The following FANCB variants were observed in gnomAD, a reference collection of about 807,000 sequenced individuals.
The protein encoded by FANCB is FA complementation group B, also known as Fanconi anemia group B protein.
A neutral mutation model predicts 38.9 loss-of-function variants in FANCB; 5 were observed. The observed-to-expected ratio is 0.13, with a 90% confidence interval of 0.07 to 0.27. The LOEUF is 0.27. FANCB is among the 10% of genes least tolerant of loss of function. The probability of loss-of-function intolerance (pLI) is 1.00; values close to 1 mark genes in which losing one functional copy is unlikely to be tolerated. For synonymous variants in FANCB, 236 were observed against 215.4 expected (o/e 1.10, Z -0.84); for missense variants, 573 against 602.7 (o/e 0.95, Z 0.52).
chrX:14,810,957 C>A, the FANCB span, among the ~76,000 whole-genome samples: 8 of 112,194 alleles, frequency 7.1e-5, no homozygotes, highest in Non-Finnish European at 3.8e-5. Flanking sequence ...ATCAGACTAA[C>A]AGCGGATCTC....
the FANCB span, among the ~76,000 whole-genome samples, chrX:14,724,565 G>T: frequency 4.0e-5 from 4 of 99,729 alleles, no homozygotes; most frequent in African/African-American, 1.5e-4. Flanking sequence ...GGCAGAGGTT[G>T]CAGTGAGATG....
chrX:14,744,196 G>A, the FANCB span, among the ~76,000 whole-genome samples: 1 of 110,896 alleles, frequency 9.0e-6, no homozygotes, highest in Non-Finnish European at 1.9e-5. Context: ...AAATTCCCTG[G>A]GAAAAAAACA....
At chrX:14,823,507 C>A in the FANCB span, among the ~76,000 whole-genome samples, 3 of 111,923 alleles carry the variant, frequency 2.7e-5, no homozygotes, top group Non-Finnish European at 5.6e-5. Flanking sequence ...AATGTTCAGT[C>A]CCTTTTCATT....
the FANCB span, among the ~76,000 whole-genome samples, chrX:14,793,038 T>C: frequency 8.9e-6 from 1 of 112,448 alleles, no homozygotes; most frequent in African/African-American, 3.2e-5. Context: ...TAGTGGGTTA[T>C]GACTTAATCA....
At chrX:14,769,676 G>T in the FANCB span, among the ~76,000 whole-genome samples, 1 of 111,350 alleles carries the variant, frequency 9.0e-6, no homozygotes, top group Non-Finnish European at 1.9e-5. Flanking sequence ...TCTAATCTTG[G>T]TTATTCCTTG....
chrX:14,794,907 A>G, the FANCB span, among the ~76,000 whole-genome samples: 1 of 112,705 alleles, frequency 8.9e-6, no homozygotes, highest in Non-Finnish European at 1.9e-5. Flanking sequence ...CCACTCTGCT[A>G]TAGTGATGCT....
At chrX:14,769,326 G>A in the FANCB span, among the ~76,000 whole-genome samples, 99 of 111,213 alleles carry the variant, frequency 8.9e-4, 3 homozygotes, top group East Asian at 0.021. Context: ...ATTTATCACC[G>A]CCTCAATTTC....
the FANCB span, among the ~76,000 whole-genome samples, chrX:14,740,765 A>C: frequency 9.0e-6 from 1 of 111,568 alleles, no homozygotes; most frequent in Non-Finnish European, 1.9e-5. Context: ...GGGCTTATTC[A>C]CTCATTTAAT....
the FANCB span, among the ~76,000 whole-genome samples, chrX:14,791,503 G>A: frequency 2.7e-5 from 3 of 111,882 alleles, no homozygotes; most frequent in Non-Finnish European, 5.6e-5. Flanking sequence ...AAGTCACTCC[G>A]TTTGTGGTAC....
At chrX:14,799,314 C>T in the FANCB span, among the ~76,000 whole-genome samples, 4 of 111,931 alleles carry the variant, frequency 3.6e-5, no homozygotes, top group Non-Finnish European at 5.6e-5. Flanking sequence ...AATTCCTTCT[C>T]GCAAAGTTGT....
At chrX:14,829,214 T>C in the FANCB span, among the ~76,000 whole-genome samples, 1 of 111,951 alleles carries the variant, frequency 8.9e-6, no homozygotes, top group African/African-American at 3.2e-5. Context: ...ATCTTTTTGT[T>C]CTGAGCAGTA....
downstream of FANCB, among the ~76,000 whole-genome samples, chrX:14,833,674 T>TTGG (rs1375297861): frequency 1.2e-3 from 127 of 103,669 alleles, 2 homozygotes; most frequent in Admixed American, 4.9e-3. Flanking sequence ...AGGCTGGGTG[T>TTGG]GGGGGGGGTT....
At chrX:14,809,050 G>T in the FANCB span, among the ~76,000 whole-genome samples, 2 of 111,983 alleles carry the variant, frequency 1.8e-5, no homozygotes, top group Admixed American at 1.9e-4. Flanking sequence ...ACCAAAAAAT[G>T]GAAAAATATT....
At chrX:14,740,467 T>C in the FANCB span, among the ~76,000 whole-genome samples, 2 of 111,326 alleles carry the variant, frequency 1.8e-5, no homozygotes, top group Non-Finnish European at 3.8e-5. Context: ...CCACCACAGG[T>C]CCTTTGCACT....
the FANCB span, among the ~76,000 whole-genome samples, chrX:14,742,964 T>A: frequency 8.8e-6 from 1 of 113,146 alleles, no homozygotes; most frequent in African/African-American, 3.2e-5. Flanking sequence ...TGCCAAATCA[T>A]CCTGTGAACA....
the FANCB span, among the ~76,000 whole-genome samples, chrX:14,811,975 C>G: frequency 8.9e-6 from 1 of 112,009 alleles, no homozygotes; most frequent in African/African-American, 3.3e-5. Context: ...TCTTAGACCA[C>G]AGTGCAATCA....
chrX:14,701,467 G>T, the FANCB span, among the ~76,000 whole-genome samples: 2 of 111,547 alleles, frequency 1.8e-5, no homozygotes, highest in South Asian at 3.8e-4. Context: ...TGGACCCTGT[G>T]TGTCTGCACA....
At chrX:14,835,052 C>T (rs2092337624), downstream of FANCB, 1 of 573,219 alleles carries the variant, frequency 1.7e-6, no homozygotes, top group East Asian at 3.3e-5. Flanking sequence ...TTTCAAAGCC[C>T]CCAAGGGAAA....
chrX:14,746,792 G>A, the FANCB span, among the ~76,000 whole-genome samples: 1 of 112,090 alleles, frequency 8.9e-6, no homozygotes, highest in Non-Finnish European at 1.9e-5. Context: ...CTATGTTTGA[G>A]TATCAAATGT....
Sources: gnomAD v4.1 joint callset for allele counts (sites outside exome capture counted in the v4.1 genomes callset) on GRCh38, gnomAD v4.1.1 for gene constraint, MANE v1.5 for transcripts, NCBI Gene and HGNC (gene_info 2026-07-23, HGNC 2026-07-21) for gene names.